The following ALS2 variants were observed in gnomAD, a reference collection of about 807,000 sequenced individuals.
ALS2 encodes alsin.
A neutral mutation model predicts 203.4 loss-of-function variants in ALS2; 117 were observed. The observed-to-expected ratio is 0.58, with a 90% CI of 0.50 to 0.67. ALS2 has a LOEUF of 0.67. Ranked by LOEUF, ALS2 falls within the 30% of genes least tolerant of loss-of-function variation. ALS2 has a pLI of 0.00. For synonymous variants in ALS2, 718 were observed against 725.9 expected, an observed-to-expected ratio of 0.99 and a Z score of 0.17; for missense variants, 1,715 against 1,989.4, an observed-to-expected ratio of 0.86 and a Z score of 2.62.
Position 201,710,949 on chromosome 2 carries a change from T to C in ALS2, c.4122+42A>G, listed in dbSNP as rs767430852. The stretch of plus-strand genomic sequence containing the variant: ...TGAATGATATATTGTGGTAGGTGAA[T>C]CATTAATTCACAAGACCAATGTAAT... On this transcript the variant is annotated intron_variant, in intron 26 of 33. Coordinates refer to ENST00000264276, the MANE Select transcript of ALS2 (RefSeq NM_020919.4). The C allele has an allele frequency of 6.8e-6, 8 of 1,169,668 alleles. No individual in the cohort carries two copies. The South Asian group carries it at 9.7e-5, about 14-fold the overall frequency. 72.5% of individuals were successfully genotyped at this position (1,169,668 alleles called of 1,614,324 possible).
intron 11 of ALS2, among the ~76,000 whole-genome samples, chr2:201,740,206 AG>A (rs1273980356): frequency 6.6e-6 from 1 of 152,190 alleles, no homozygotes; most frequent in Non-Finnish European, 1.5e-5. Flanking sequence ...ATGCACCTGT[AG>A]TCCTAGCTTC....
intron 12 of ALS2, among the ~76,000 whole-genome samples, chr2:201,736,668 A>G (rs1333963213): frequency 6.6e-6 from 1 of 152,146 alleles, no homozygotes. Flanking sequence ...AATTAATTTA[A>G]AAAGGGGTAA....
At chr2:201,753,617 C>T (rs1177082977) in intron 6 of ALS2, among the ~76,000 whole-genome samples, 2 of 152,170 alleles carry the variant, frequency 1.3e-5, no homozygotes, top group African/African-American at 2.4e-5. Context: ...TATTAACTCA[C>T]TACTTTAGAT....
intron 26 of ALS2, 134 bp from the exon 27 acceptor site, chr2:201,710,172 C>T: frequency 1.0e-6 from 1 of 979,062 alleles, no homozygotes; most frequent in Non-Finnish European, 1.5e-6. Context: ...CAGGAATATT[C>T]AAATACTTTA....
At chr2:201,764,631 C>CAA (rs1304184842) in intron 3 of ALS2, among the ~76,000 whole-genome samples, 11 of 127,218 alleles carry the variant, frequency 8.6e-5, no homozygotes, top group Non-Finnish European at 1.5e-4. Flanking sequence ...GAGACTCCGT[C>CAA]TCAAAATAAA....
chr2:201,717,432 C>G (rs1690474155), intron 24 of ALS2, among the ~76,000 whole-genome samples: 1 of 150,422 alleles, frequency 6.6e-6, no homozygotes, highest in Non-Finnish European at 1.5e-5. Context: ...CGCCACCACA[C>G]TCCAGCCTGG....
At chr2:201,775,457 C>T (rs1694615733) in intron 1 of ALS2, among the ~76,000 whole-genome samples, 1 of 152,158 alleles carries the variant, frequency 6.6e-6, no homozygotes, top group Non-Finnish European at 1.5e-5. Context: ...ATGGTAAATG[C>T]TTAATAAATA....
Position 201,728,827 on chromosome 2 carries a change from GA to G in ALS2, c.2713-188del, listed in dbSNP as rs201800588. On this transcript the variant is annotated intron_variant, in intron 14 of 33. Coordinates refer to ENST00000264276, the MANE Select transcript of ALS2 (RefSeq NM_020919.4). ...ATTAGAGCTCAAAGGAGATTAAAAAGAAGACAAAAACAAACTAAAGAAGGTG... is the reference window on the plus strand; with the variant it reads ...ATTAGAGCTCAAAGGAGATTAAAAAGAGACAAAAACAAACTAAAGAAGGTG... Among the ~76,000 whole-genome samples, 390 of 150,736 alleles carry G rather than the reference GA, an allele frequency of 2.6e-3. 20 individuals carry two copies. In the East Asian group the frequency reaches 0.066, roughly 25 times the overall value.
chr2:201,742,799 C>T (rs910759188), intron 10 of ALS2, among the ~76,000 whole-genome samples: 1 of 152,082 alleles, frequency 6.6e-6, no homozygotes, highest in Non-Finnish European at 1.5e-5. Flanking sequence ...AGGCCGGGCA[C>T]GGTGGCTCAT....
chr2:201,765,582 A>G (rs1694033540), intron 3 of ALS2: 2 of 167,232 alleles, frequency 1.2e-5, no homozygotes, highest in South Asian at 4.1e-4. Flanking sequence ...CTTGTTTCCT[A>G]GAATTTGTCT....
At chr2:201,772,278 TAACAAC>T (rs3057124) in intron 1 of ALS2, among the ~76,000 whole-genome samples, 7 of 150,968 alleles carry the variant, frequency 4.6e-5, no homozygotes, top group South Asian at 2.1e-4. Flanking sequence ...GAAGTGCCCT[TAACAAC>T]AACAACAACA....
intron 33 of ALS2, among the ~76,000 whole-genome samples, chr2:201,703,477 C>G (rs1398165408): frequency 6.6e-6 from 1 of 152,036 alleles, no homozygotes; most frequent in Admixed American, 6.6e-5. Flanking sequence ...ACTATTTTAT[C>G]TTCATTATTG....
At chr2:201,734,859 A>G (rs1306721037) in intron 12 of ALS2, among the ~76,000 whole-genome samples, 1 of 152,146 alleles carries the variant, frequency 6.6e-6, no homozygotes, top group Non-Finnish European at 1.5e-5. Flanking sequence ...TTTTTAATCT[A>G]ATAGTGGCAA....
In ALS2 at chr2:201,769,002, T is replaced by TAA. The variant is rs10655798; in HGVS notation, c.-60-59_-60-58dup. On this transcript the variant is annotated intron_variant, in intron 1 of 33. Coordinates refer to ENST00000264276, the MANE Select transcript of ALS2 (RefSeq NM_020919.4). ...AAAGAATATTTTACCCCTCAGACATTAAAAAAAAAAAAAGCAGCCCTCTAA... is the reference window on the plus strand; with the variant it reads ...AAAGAATATTTTACCCCTCAGACATTAAAAAAAAAAAAAAAGCAGCCCTCTAA... 3,158 of 621,310 alleles carry TAA rather than the reference T, an allele frequency of 5.1e-3. 13 individuals are homozygous for TAA. The highest frequency in any genetic ancestry group is 0.015 in the African/African-American group (733 of 50,008). 38.5% of individuals were successfully genotyped at this position (621,310 alleles called of 1,614,324 possible). A position where few individuals can be genotyped will look rare whatever the true frequency, so the allele number is the denominator to read the frequency against.
chr2:201,762,474 G>GT, intron 3 of ALS2, among the ~76,000 whole-genome samples: 1 of 152,296 alleles, frequency 6.6e-6, no homozygotes, highest in Non-Finnish European at 1.5e-5. Context: ...GACCAGAGGT[G>GT]TTTTGGATTT....
In ALS2 at chr2:201,772,579, G is replaced by A. The variant is rs6760163; in HGVS notation, c.-60-3634C>T. Among the ~76,000 whole-genome samples the A allele has an allele frequency of 9.8e-3, 1,497 of 152,208 alleles. 8 individuals carry two copies. The highest frequency in any genetic ancestry group is 0.018 in the Non-Finnish European group (1,223 of 68,012). ...GGCAGCACCACAGATCCCACAGGAA[G>A]TGTTATATAATATATAGTTTATGCA... On this transcript the variant is annotated intron_variant, in intron 1 of 33. Coordinates refer to ENST00000264276, the MANE Select transcript of ALS2 (RefSeq NM_020919.4).
intron 1 of ALS2, among the ~76,000 whole-genome samples, chr2:201,777,052 A>C (rs2106118989): frequency 6.6e-6 from 1 of 152,316 alleles, no homozygotes; most frequent in Admixed American, 6.5e-5. Flanking sequence ...CGTTGTAATA[A>C]AATGTAACCA....
chr2:201,775,264 A>C (rs1227261049), intron 1 of ALS2, among the ~76,000 whole-genome samples: 3 of 152,194 alleles, frequency 2.0e-5, no homozygotes, highest in African/African-American at 4.8e-5. Flanking sequence ...TTAAAGTCTG[A>C]GTTGGTTACA....
At chr2:201,704,950 G>A (rs1689612315) in intron 31 of ALS2, among the ~76,000 whole-genome samples, 189 bp downstream of exon 31, 1 of 152,072 alleles carries the variant, frequency 6.6e-6, no homozygotes, top group African/African-American at 2.4e-5. Flanking sequence ...GAAAATGCAA[G>A]GTCATTTTAG....
Sources: allele counts gnomAD v4.1 joint callset (sites outside exome capture counted in the v4.1 genomes callset), GRCh38; gene constraint gnomAD v4.1.1; transcripts MANE v1.5; gene names NCBI Gene and HGNC (gene_info 2026-07-23, HGNC 2026-07-21).